The following SLC14A2 variants were observed in gnomAD, a reference collection of about 807,000 sequenced individuals.
The protein encoded by SLC14A2 is urea transporter 2.
In SLC14A2, 91 loss-of-function variants were observed where a neutral mutation model predicts 104.6. That is an observed-to-expected ratio of 0.87 (90% CI 0.73 to 1.04). The LOEUF (loss-of-function observed/expected upper bound fraction) is 1.04, where lower values mean the gene tolerates loss of function less well. Among genes scored for constraint, SLC14A2 ranks in the 50% least tolerant of loss-of-function variants. The pLI is 0.00. For synonymous variants in SLC14A2, 476 were observed against 466.4 expected (o/e 1.02, Z -0.27); for missense variants, 1,189 against 1,156.0 (o/e 1.03, Z -0.41).
intron 1 of SLC14A2, among the ~76,000 whole-genome samples, chr18:45,346,984 T>TAA (rs759335763): frequency 1.7e-5 from 2 of 117,868 alleles, no homozygotes; most frequent in African/African-American, 8.5e-5. Flanking sequence ...AAAATAAAAA[T>TAA]AAATAAATAA....
intron 1 of SLC14A2, among the ~76,000 whole-genome samples, chr18:45,324,323 G>A (rs1050635407): frequency 4.3e-4 from 66 of 152,138 alleles, no homozygotes; most frequent in African/African-American, 1.5e-3. Context: ...TTTGATCCAA[G>A]TTTCTTCAAT....
intron 2 of SLC14A2, among the ~76,000 whole-genome samples, chr18:45,495,177 C>A (rs545418236): frequency 6.6e-6 from 1 of 151,926 alleles, no homozygotes; most frequent in African/African-American, 2.4e-5. Context: ...AATTTGGATG[C>A]AGGAGGAGAA....
At chr18:45,517,649 A>G (rs1170427558) in intron 2 of SLC14A2, among the ~76,000 whole-genome samples, 1 of 152,194 alleles carries the variant, frequency 6.6e-6, no homozygotes, top group East Asian at 1.9e-4. Context: ...CCGGCGGTGA[A>G]GGCGGCCACC....
At chr18:45,624,567 C>T in intron 1 of SLC14A2, 64 bp from the exon 2 acceptor site, 1 of 1,278,848 alleles carries the variant, frequency 7.8e-7, no homozygotes, top group Non-Finnish European at 1.1e-6. Context: ...CTGAGTCCAG[C>T]CTCAGCCAAG....
At chr18:45,274,413 G>A (rs1423764481) in intron 1 of SLC14A2, among the ~76,000 whole-genome samples, 1 of 152,088 alleles carries the variant, frequency 6.6e-6, no homozygotes, top group Non-Finnish European at 1.5e-5. Flanking sequence ...ATGATGCCTT[G>A]ACCATTGTTT....
the SLC14A2 span, among the ~76,000 whole-genome samples, chr18:45,204,517 G>A: frequency 6.6e-6 from 1 of 152,006 alleles, no homozygotes; most frequent in Non-Finnish European, 1.5e-5. Flanking sequence ...TATAAGTGTG[G>A]GTTTAAAGTC....
chr18:45,359,806 T>G (rs935372299), intron 1 of SLC14A2, among the ~76,000 whole-genome samples: 1 of 152,212 alleles, frequency 6.6e-6, no homozygotes, highest in Non-Finnish European at 1.5e-5. Flanking sequence ...GGCACGGGTC[T>G]GCTGCCCAGC....
chr18:45,642,534 G>A (rs1159495616), intron 8 of SLC14A2, among the ~76,000 whole-genome samples: 1 of 152,224 alleles, frequency 6.6e-6, no homozygotes, highest in Non-Finnish European at 1.5e-5. Context: ...GAGCAAAGCT[G>A]CAGGCAGAAG....
intron 1 of SLC14A2, among the ~76,000 whole-genome samples, chr18:45,283,504 A>G (rs1425925885): frequency 1.3e-5 from 2 of 151,692 alleles, no homozygotes; most frequent in Non-Finnish European, 2.9e-5. Context: ...AAACTAATAT[A>G]TCATCATCCA....
Position 45,666,949 on chromosome 18 carries a change from G to A in SLC14A2, c.1572G>A (p.Met524Ile), listed in dbSNP as rs759941418. Residue 524 changes from methionine (M) to isoleucine (I), a missense_variant, in exon 13 of 20, where the codon ATG (methionine) becomes ATA (isoleucine). By Grantham distance (10) the Met-to-Ile change is conservative. Coordinates refer to ENST00000255226, the MANE Select transcript of SLC14A2 (RefSeq NM_007163.4). ...GTCCTGGACAGGATCTGGACACCATGGAGGAGAGCTCTGAGATAAAAGTGG... is the reference window on the plus strand; with the variant it reads ...GTCCTGGACAGGATCTGGACACCATAGAGGAGAGCTCTGAGATAAAAGTGG... Reference protein sequence around the residue: ...PTVELLDLDTMEESSEIKVET... With the variant: ...PTVELLDLDTIEESSEIKVET... 2.5e-6 allele frequency: 4 copies of A among 1,613,992 alleles called. No homozygotes were observed. The South Asian group carries it at 4.4e-5, about 18-fold the overall frequency.
At chr18:45,432,412 T>C (rs951548274) in intron 1 of SLC14A2, among the ~76,000 whole-genome samples, 4 of 152,136 alleles carry the variant, frequency 2.6e-5, no homozygotes, top group Non-Finnish European at 5.9e-5. Flanking sequence ...TAATTAACAA[T>C]TGGGCAGGAA....
At position 45,516,917 on chromosome 18, in the gene SLC14A2, A is replaced by G. The variant is rs1420192365; in HGVS notation, c.-35+33595A>G. Among the ~76,000 whole-genome samples, 4 of 152,216 alleles carry G rather than the reference A, an allele frequency of 2.6e-5. No homozygotes were observed. In the South Asian group the frequency reaches 6.2e-4, roughly 24 times the overall value. On this transcript the variant is annotated intron_variant, in intron 2 of 20. Transcript: ENST00000586448. ...CTGCTGTGAGCAGAGAAAGCTTCAC[A>G]TGGGAGTGGAACTTGAGCCTTGAAA...
At chr18:45,246,305 G>C (rs2084366887) in intron 1 of SLC14A2, among the ~76,000 whole-genome samples, 1 of 152,088 alleles carries the variant, frequency 6.6e-6, no homozygotes, top group Admixed American at 6.5e-5. Context: ...TCAGAACTGT[G>C]AGGAAGTAAA....
chr18:45,310,568 G>T (rs553373923), intron 1 of SLC14A2, among the ~76,000 whole-genome samples: 35 of 152,346 alleles, frequency 2.3e-4, no homozygotes, highest in African/African-American at 8.4e-4. Context: ...CTAGATATTG[G>T]TTTAAAAGGA....
chr18:45,286,289 C>T (rs1025249982), intron 1 of SLC14A2, among the ~76,000 whole-genome samples: 4 of 152,194 alleles, frequency 2.6e-5, no homozygotes, highest in Non-Finnish European at 5.9e-5. Flanking sequence ...TTGATTCAAT[C>T]CTCAGAGATG....
At chr18:45,246,768 T>C (rs936273526) in intron 1 of SLC14A2, among the ~76,000 whole-genome samples, 5 of 152,192 alleles carry the variant, frequency 3.3e-5, no homozygotes, top group African/African-American at 1.2e-4. Context: ...CCCAGCACTT[T>C]GGGAGGCCGA....
intron 1 of SLC14A2, among the ~76,000 whole-genome samples, chr18:45,411,269 G>A (rs117377300): frequency 0.025 from 3,835 of 152,234 alleles, 75 homozygotes; most frequent in Middle Eastern, 0.058. Flanking sequence ...TTTATCCAGT[G>A]CTTTTGTATT....
intron 1 of SLC14A2, among the ~76,000 whole-genome samples, chr18:45,473,116 C>A (rs2087283564): frequency 6.6e-6 from 1 of 152,188 alleles, no homozygotes; most frequent in South Asian, 2.1e-4. Flanking sequence ...TCTCCCAACA[C>A]CATTTATTAA....
chr18:45,526,142 G>A (rs750729793), intron 2 of SLC14A2, among the ~76,000 whole-genome samples: 1 of 152,212 alleles, frequency 6.6e-6, no homozygotes, highest in Non-Finnish European at 1.5e-5. Flanking sequence ...AAGTATCTGG[G>A]TTATGCAGGG....
Sources: gnomAD v4.1 joint callset for allele counts (sites outside exome capture counted in the v4.1 genomes callset) on GRCh38, gnomAD v4.1.1 for gene constraint, MANE v1.5 for transcripts, NCBI Gene and HGNC (gene_info 2026-07-23, HGNC 2026-07-21) for gene names.